RAP1GAP2: variants seen among roughly 807,000 people sequenced by gnomAD.
RAP1GAP2 encodes RAP1 GTPase activating protein 2, also known as rap1 GTPase-activating protein 2.
A neutral mutation model predicts 95.0 loss-of-function variants in RAP1GAP2; 27 were observed. The ratio of observed to expected loss-of-function variants is 0.28; its 90% CI spans 0.21 to 0.39. The LOEUF (loss-of-function observed/expected upper bound fraction) is 0.39, where lower values mean the gene tolerates loss of function less well. Among genes scored for constraint, RAP1GAP2 ranks in the 10% least tolerant of loss-of-function variants. The pLI is 1.00. For missense variants in RAP1GAP2, 771 were observed against 970.0 expected, an observed-to-expected ratio of 0.79 and a Z score of 2.72; for synonymous variants, 373 against 380.9, an observed-to-expected ratio of 0.98 and a Z score of 0.24.
intron 2 of RAP1GAP2, among the ~76,000 whole-genome samples, chr17:2,889,941 C>A (rs1156306308): frequency 7.7e-6 from 1 of 130,296 alleles, no homozygotes; most frequent in Non-Finnish European, 1.6e-5. Flanking sequence ...CCAGGTGGGT[C>A]TTGAACTCCT....
intron 1 of RAP1GAP2, among the ~76,000 whole-genome samples, chr17:2,761,413 C>A (rs1043354039): frequency 5.9e-5 from 9 of 151,840 alleles, no homozygotes; most frequent in African/African-American, 2.2e-4. Context: ...CTCAGCCTCC[C>A]AAACAGCTGG....
chr17:2,985,027 C>T lies in RAP1GAP2; in HGVS notation c.774C>T (p.Asn258=), dbSNP rs1436104249. 2 of 1,613,768 alleles carry T rather than the reference C, an allele frequency of 1.2e-6. No individual in the cohort carries two copies. Among genetic ancestry groups the T allele is most frequent in the East Asian group, 4.5e-5 (2 of 44,862 alleles). The change falls in exon 11 of 25, where the codon AAC becomes AAT. Residue 258 remains asparagine (N), a synonymous_variant. Coordinates refer to ENST00000254695, the MANE Select transcript of RAP1GAP2 (RefSeq NM_015085.5). ...CCTATGATGAGCATGAAGTCAACAA[C>T]ACATTCAAATTCGGAGTCATTTATC... ...IVSYDEHEVN[N]TFKFGVIYQK...
At chr17:2,928,601 C>T (rs558534762) in intron 3 of RAP1GAP2, among the ~76,000 whole-genome samples, 1 of 152,190 alleles carries the variant, frequency 6.6e-6, no homozygotes, top group South Asian at 2.1e-4. Context: ...GATAGCGTTG[C>T]CTGGCTACGG....
chr17:2,900,258 C>T (rs1183854013), intron 2 of RAP1GAP2, among the ~76,000 whole-genome samples: 1 of 152,142 alleles, frequency 6.6e-6, no homozygotes, highest in Non-Finnish European at 1.5e-5. Flanking sequence ...CAGGCTAGAA[C>T]TGGTGCTCAT....
intron 2 of RAP1GAP2, among the ~76,000 whole-genome samples, chr17:2,817,410 T>C (rs1278256900): frequency 8.1e-6 from 1 of 122,826 alleles, no homozygotes. Flanking sequence ...TTTTTGCTGT[T>C]GCGAATAATG....
chr17:2,792,207 C>T (rs2068943490), upstream of RAP1GAP2, among the ~76,000 whole-genome samples: 1 of 152,210 alleles, frequency 6.6e-6, no homozygotes, highest in Non-Finnish European at 1.5e-5. Context: ...AGCCCACAGT[C>T]TCCTTGCTGT....
intron 19 of RAP1GAP2, 55 bp from the exon 20 acceptor site, chr17:3,025,953 G>A: frequency 2.3e-6 from 3 of 1,325,406 alleles, no homozygotes; most frequent in Non-Finnish European, 3.2e-6. Flanking sequence ...GCCGTGGATG[G>A]GGTGGGGGTT....
upstream of RAP1GAP2, among the ~76,000 whole-genome samples, chr17:2,773,336 A>G (rs570332251): frequency 5.9e-5 from 9 of 152,154 alleles, no homozygotes; most frequent in Non-Finnish European, 8.8e-5. Context: ...TGCTTTTCTG[A>G]TTAGTTTTCT....
At chr17:3,021,865 T>G (rs2046973854) in intron 19 of RAP1GAP2, among the ~76,000 whole-genome samples, 1 of 152,224 alleles carries the variant, frequency 6.6e-6, no homozygotes. Context: ...ATAAAAAAGA[T>G]TTTCCTTATC....
intron 3 of RAP1GAP2, among the ~76,000 whole-genome samples, chr17:2,907,507 G>T (rs1163802048): frequency 6.6e-6 from 1 of 152,122 alleles, no homozygotes; most frequent in Non-Finnish European, 1.5e-5. Flanking sequence ...GTTAAACGTG[G>T]TGAATATTCT....
chr17:2,909,369 G>C (rs1356152348), intron 3 of RAP1GAP2, among the ~76,000 whole-genome samples: 3 of 152,130 alleles, frequency 2.0e-5, no homozygotes, highest in African/African-American at 4.8e-5. Flanking sequence ...CCCTGGGAGG[G>C]GTGGGGCGGA....
intron 13 of RAP1GAP2, among the ~76,000 whole-genome samples, chr17:2,997,197 G>A (rs532304574): frequency 4.9e-4 from 74 of 152,270 alleles, no homozygotes; most frequent in African/African-American, 1.7e-3. Context: ...TTATGGTTGG[G>A]ATCCTCCTTC....
chr17:2,815,826 C>T (rs771715892), intron 2 of RAP1GAP2, among the ~76,000 whole-genome samples: 11 of 152,228 alleles, frequency 7.2e-5, no homozygotes, highest in Non-Finnish European at 1.2e-4. Flanking sequence ...CGGTCACACA[C>T]GTGTAACTGT....
intron 2 of RAP1GAP2, among the ~76,000 whole-genome samples, chr17:2,853,381 C>T (rs1380481309): frequency 6.6e-6 from 1 of 151,898 alleles, no homozygotes; most frequent in Non-Finnish European, 1.5e-5. Context: ...TTTTCTCTCC[C>T]TCTGTTTTAA....
upstream of RAP1GAP2, among the ~76,000 whole-genome samples, chr17:2,774,827 T>C (rs1484239323): frequency 1.4e-5 from 2 of 144,812 alleles, no homozygotes; most frequent in Non-Finnish European, 3.0e-5. Flanking sequence ...TTTTTTTTTT[T>C]TTTTTTTCCC....
At chr17:2,928,425 C>G (rs1426977397) in intron 3 of RAP1GAP2, among the ~76,000 whole-genome samples, 2 of 152,108 alleles carry the variant, frequency 1.3e-5, no homozygotes, top group African/African-American at 2.4e-5. Context: ...ACAAAGTGGA[C>G]TGCCCATGGT....
chr17:3,020,530 A>G lies in RAP1GAP2; in HGVS notation c.1686A>G (p.Arg562=), dbSNP rs529301807. Residue 562 remains arginine (R), a synonymous_variant, in exon 19 of 25, where the codon CGA becomes CGG. Transcript: ENST00000254695. ...VKNQSRSPIK[R]RSGLFPRLHT... is the part of the protein sequence containing the mutation. ...ACCAGTCACGGAGTCCCATCAAGCG[A>G]CGCTCGGGGCTCTTCCCCCGCCTGC... 9.3e-6 allele frequency: 15 copies of G among 1,613,812 alleles called. No individual in the cohort carries two copies. Among genetic ancestry groups the G allele is most frequent in the Admixed American group, 1.7e-5 (1 of 60,010 alleles).
At chr17:2,995,236 C>A in intron 12 of RAP1GAP2, 101 bp from the exon 13 acceptor site, 1 of 1,407,592 alleles carries the variant, frequency 7.1e-7, no homozygotes, top group African/African-American at 1.4e-5. Flanking sequence ...GTCTCCTCTG[C>A]TGCGTATCCT....
At chr17:2,971,931 A>G (rs966068488) in intron 8 of RAP1GAP2, among the ~76,000 whole-genome samples, 2 of 152,254 alleles carry the variant, frequency 1.3e-5, no homozygotes, top group African/African-American at 4.8e-5. Flanking sequence ...CTAGTCGAAT[A>G]TAGATGAGAA....
Sources: gnomAD v4.1 joint callset for allele counts (sites outside exome capture counted in the v4.1 genomes callset) on GRCh38, gnomAD v4.1.1 for gene constraint, MANE v1.5 for transcripts, NCBI Gene and HGNC (gene_info 2026-07-23, HGNC 2026-07-21) for gene names.